Variants in RBM20 observed in about 807,000 individuals in gnomAD.
RBM20 encodes RNA binding motif protein 20.
A neutral mutation model predicts 110.1 loss-of-function variants in RBM20; 51 were observed. The ratio of observed to expected loss-of-function variants is 0.46; its 90% CI spans 0.37 to 0.59. RBM20 has a LOEUF of 0.59. RBM20 is among the 20% of genes least tolerant of loss of function. The pLI, the probability that RBM20 is intolerant of heterozygous loss-of-function variation, is 0.00. For missense variants in RBM20, 1,512 were observed against 1,574.9 expected, an observed-to-expected ratio of 0.96 and a Z score of 0.68; for synonymous variants, 589 against 618.2, an observed-to-expected ratio of 0.95 and a Z score of 0.70.
intron 1 of RBM20, among the ~76,000 whole-genome samples, chr10:110,701,075 G>A (rs1862750849): frequency 6.6e-6 from 1 of 152,044 alleles, no homozygotes; most frequent in African/African-American, 2.4e-5. Flanking sequence ...GCCTTATCTG[G>A]GAGGGGAAAT....
chr10:110,818,064 G>A (rs1165383096), intron 9 of RBM20, among the ~76,000 whole-genome samples: 12 of 151,946 alleles, frequency 7.9e-5, no homozygotes, highest in Non-Finnish European at 1.6e-4. Flanking sequence ...CAGATCGCTT[G>A]AGGTCAGGAG....
At chr10:110,683,228 C>T (rs970000814) in intron 1 of RBM20, among the ~76,000 whole-genome samples, 3 of 152,138 alleles carry the variant, frequency 2.0e-5, no homozygotes, top group East Asian at 1.9e-4. Flanking sequence ...TGTGGGCAGC[C>T]GGTGCCCTAA....
rs1794553000 is a variant in RBM20 at position 110,823,533 on chromosome 10, A to C, written c.3370A>C (p.Thr1124Pro). 1.3e-6 allele frequency: 2 copies of C among 1,547,982 alleles called. No homozygotes were observed. Among genetic ancestry groups the C allele is most frequent in the Non-Finnish European group, 1.7e-6 (2 of 1,146,352 alleles). Residue 1124 changes from threonine (T) to proline (P), a missense_variant, in exon 12 of 14, where the codon ACT (threonine) becomes CCT (proline). Coordinates refer to ENST00000369519, the MANE Select transcript of RBM20 (RefSeq NM_001134363.3). ...TCTGGAGGTGAGGTCACCAGAGTAC[A>C]CTGAAGTGGAACTGAAACAGCCCCT... is the stretch of plus-strand genomic sequence containing the variant. ...KSLEVRSPEY[T>P]EVELKQPLSL...
intron 1 of RBM20, among the ~76,000 whole-genome samples, chr10:110,737,657 TG>T (rs1843686408): frequency 1.3e-5 from 2 of 152,188 alleles, no homozygotes; most frequent in East Asian, 3.9e-4. Flanking sequence ...TGGAATGATA[TG>T]GTGTATACTC....
intron 1 of RBM20, among the ~76,000 whole-genome samples, chr10:110,749,662 G>C (rs1481077968): frequency 6.6e-6 from 1 of 151,692 alleles, no homozygotes; most frequent in Non-Finnish European, 1.5e-5. Flanking sequence ...AGAATAAAAG[G>C]GTCAAGAAAG....
At position 110,812,305 on chromosome 10, in the gene RBM20, T is replaced by C. The variant is rs1428731969; in HGVS notation, c.1908T>C (p.Arg636=). Residue 636 remains arginine (R), a synonymous_variant, in exon 9 of 14, where the codon CGT becomes CGC. Coordinates refer to ENST00000369519, the MANE Select transcript of RBM20 (RefSeq NM_001134363.3). Reference sequence around the variant, plus strand: ...ATGGCCCAGAAAGGCCGCGGTCTCGTAGTCCGGTGAGCCGGTCACTCTCCC... The same window carrying C: ...ATGGCCCAGAAAGGCCGCGGTCTCGCAGTCCGGTGAGCCGGTCACTCTCCC... ...DRYGPERPRS[R]SPVSRSLSPR... is the part of the protein sequence containing the mutation. 1 of 1,549,650 alleles carries C rather than the reference T, an allele frequency of 6.5e-7. No homozygotes were observed. The highest frequency in any genetic ancestry group is 2.0e-5 in the Admixed American group (1 of 50,960).
At chr10:110,727,414 A>AAT (rs113923892) in intron 1 of RBM20, among the ~76,000 whole-genome samples, 70,334 of 135,420 alleles carry the variant, frequency 0.52, 17,422 homozygotes, top group East Asian at 0.78. Flanking sequence ...AATAAAAATA[A>AAT]AAAAAAAATA....
intron 7 of RBM20, among the ~76,000 whole-genome samples, chr10:110,809,438 AT>A (rs994924043): frequency 1.3e-5 from 2 of 152,230 alleles, no homozygotes; most frequent in African/African-American, 4.8e-5. Flanking sequence ...TGAATTCTGC[AT>A]AGTCTTCAGG....
At chr10:110,796,909 G>A (rs181807709) in intron 5 of RBM20, among the ~76,000 whole-genome samples, 1 of 152,222 alleles carries the variant, frequency 6.6e-6, no homozygotes, top group East Asian at 1.9e-4. Flanking sequence ...ATAAATTACT[G>A]TAATAAATGT....
At chr10:110,719,954 G>C (rs183894834) in intron 1 of RBM20, among the ~76,000 whole-genome samples, 1 of 152,012 alleles carries the variant, frequency 6.6e-6, no homozygotes, top group East Asian at 1.9e-4. Context: ...CAAGGCACCA[G>C]CAAATTTGAT....
At position 110,738,364 on chromosome 10, in the gene RBM20, G is replaced by C. The variant is rs573024423; in HGVS notation, c.192-42437G>C. Among the ~76,000 whole-genome samples the C allele has an allele frequency of 5.9e-5, 9 of 152,250 alleles. No individual in the cohort carries two copies. The East Asian group carries it at 1.7e-3, about 29-fold the overall frequency. On this transcript the variant is annotated intron_variant, in intron 1 of 13. Transcript: ENST00000369519. Reference sequence around the variant, plus strand: ...TATAGGCCTGAGCAGGAGGGGTCTGGGGGGAGCATGGCCTGCTGCCTGGGA... The same window carrying C: ...TATAGGCCTGAGCAGGAGGGGTCTGCGGGGAGCATGGCCTGCTGCCTGGGA...
chr10:110,752,945 ATTTT>A (rs71492062), intron 1 of RBM20, among the ~76,000 whole-genome samples: 20 of 108,988 alleles, frequency 1.8e-4, no homozygotes, highest in East Asian at 3.1e-4. Context: ...ATATATATAT[ATTTT>A]TTTTTTTTTT....
At chr10:110,674,991 C>A in intron 1 of RBM20, among the ~76,000 whole-genome samples, 1 of 152,174 alleles carries the variant, frequency 6.6e-6, no homozygotes, top group Non-Finnish European at 1.5e-5. Context: ...ATCTAATACA[C>A]GTTCCAAGGC....
intron 1 of RBM20, among the ~76,000 whole-genome samples, chr10:110,716,638 G>A (rs2134923022): frequency 6.6e-6 from 1 of 152,286 alleles, no homozygotes; most frequent in East Asian, 1.9e-4. Context: ...TTATGGCTGG[G>A]CGTGGTGGCT....
Position 110,810,450 on chromosome 10 carries a change from G to T in RBM20, c.1868G>T (p.Arg623Leu). ...IHSQRERDMFREADRYGPERP... is the reference protein window; with the variant it reads ...IHSQRERDMFLEADRYGPERP... ...TCCCAGAGGGAGAGGGACATGTTCC[G>T]GGAAGCAGACAGGTGAGGCCCCAAG... Residue 623 changes from arginine (R) to leucine (L), a missense_variant, in exon 8 of 14, where the codon CGG becomes CTG. Arg to Leu is a moderately radical substitution (Grantham distance 102, BLOSUM62 -2). Coordinates refer to ENST00000369519, the MANE Select transcript of RBM20 (RefSeq NM_001134363.3). 6.4e-7 allele frequency: 1 copy of T among 1,551,312 alleles called. No individual in the cohort carries two copies. The highest frequency in any genetic ancestry group is 1.2e-5 in the South Asian group (1 of 84,036).
At chr10:110,768,036 C>T (rs1018513816) in intron 1 of RBM20, among the ~76,000 whole-genome samples, 2 of 152,194 alleles carry the variant, frequency 1.3e-5, no homozygotes, top group African/African-American at 4.8e-5. Context: ...GAGACCAGCC[C>T]GGCCAACACA....
chr10:110,797,459 A>G (rs2135073423), intron 5 of RBM20, 49 bp from the exon 6 acceptor site: 1 of 1,470,168 alleles, frequency 6.8e-7, no homozygotes, highest in South Asian at 1.4e-5. Context: ...AAGAGAGGGG[A>G]AAAGGGAACC....
chr10:110,748,895 T>A (rs897315735), intron 1 of RBM20, among the ~76,000 whole-genome samples: 1 of 152,230 alleles, frequency 6.6e-6, no homozygotes, highest in African/African-American at 2.4e-5. Flanking sequence ...AACCACTTAA[T>A]GTGGTTTTCG....
chr10:110,768,222 A>AAGAGGGG lies in RBM20; in HGVS notation c.192-12572_192-12566dup, dbSNP rs1181205070. The stretch of plus-strand genomic sequence containing the variant: ...CTCGGCATCAGAGGTAGACCGTGGA[A>AAGAGGGG]AGAGGGGAGAGGGAGAGGGAGGGAA... On this transcript the variant is annotated intron_variant, in intron 1 of 13. Transcript: ENST00000369519. Among the ~76,000 whole-genome samples, 3 of 149,944 alleles carry AAGAGGGG rather than the reference A, an allele frequency of 2.0e-5. No individual in the cohort carries two copies. The Admixed American group carries it at 2.0e-4, about 10-fold the overall frequency.
Sources: allele counts gnomAD v4.1 joint callset (sites outside exome capture counted in the v4.1 genomes callset), GRCh38; gene constraint gnomAD v4.1.1; transcripts MANE v1.5; gene names NCBI Gene and HGNC (gene_info 2026-07-23, HGNC 2026-07-21).